PDE6G: variants seen among roughly 807,000 people sequenced by gnomAD.
PDE6G encodes the protein phosphodiesterase 6G.
PDE6G carries 10 observed loss-of-function variants against 10.9 expected under a neutral mutation model. That is an observed-to-expected ratio of 0.91 (90% confidence interval 0.56 to 1.55). The LOEUF (loss-of-function observed/expected upper bound fraction) is 1.55. Ranked by LOEUF, PDE6G falls within the 40% of genes most tolerant of loss-of-function variation. The pLI is 0.00. For missense variants in PDE6G, 102 were observed against 110.1 expected, an observed-to-expected ratio of 0.93 and a Z score of 0.33; for synonymous variants, 41 against 42.8, an observed-to-expected ratio of 0.96 and a Z score of 0.16.
rs988400142 is a variant in PDE6G at position 81,650,810 on chromosome 17, C to T, written c.*264G>A. 7 of 569,186 alleles carry T rather than the reference C, an allele frequency of 1.2e-5. No individual in the cohort carries two copies. The African/African-American group carries it at 1.3e-4, about 11-fold the overall frequency. The allele number at this position is 569,186 out of a possible 1,614,324, so 35.3% of individuals were successfully genotyped here. ...CTGGGAGTGGAGACCGACCAAGCCT[C>T]TCTGTGGGCAGGACTGAGGGGTGGG... On this transcript the variant is annotated 3_prime_UTR_variant, in exon 4 of 4. Transcript: ENST00000331056.
At chr17:81,662,567 G>C (rs1355380609) in intron 1 of PDE6G, among the ~76,000 whole-genome samples, 1 of 151,620 alleles carries the variant, frequency 6.6e-6, no homozygotes, top group Non-Finnish European at 1.5e-5. Flanking sequence ...AGGTTGTGGT[G>C]AGCCGAGATC....
At chr17:81,658,742 G>T (rs2036480290), upstream of PDE6G, among the ~76,000 whole-genome samples, 1 of 151,936 alleles carries the variant, frequency 6.6e-6, no homozygotes, top group Non-Finnish European at 1.5e-5. Context: ...TCAGGAGGCT[G>T]AGGCAGGAGA....
chr17:81,651,290 C>T lies in PDE6G; in HGVS notation c.188-140G>A. On this transcript the variant is annotated intron_variant, in intron 3 of 3. Transcript: ENST00000331056. The surrounding 1 kb of genome is among the most constrained non-coding windows in gnomAD (Gnocchi z 4.8). Reference sequence around the variant, plus strand: ...GACGTGCGGACGCTGGAGTGGGGCCCTCCTCTGGGGACACACTGGCTGTGG... The same window carrying T: ...GACGTGCGGACGCTGGAGTGGGGCCTTCCTCTGGGGACACACTGGCTGTGG... The T allele has an allele frequency of 1.4e-6, 1 of 701,928 alleles. No individual in the cohort carries two copies. The allele number at this position is 701,928 out of a possible 1,614,324, so 43.5% of individuals were successfully genotyped here. A position where few individuals can be genotyped will look rare whatever the true frequency, so the allele number is the denominator to read the frequency against.
intron 1 of PDE6G, among the ~76,000 whole-genome samples, chr17:81,655,926 A>G (rs1598721568): frequency 6.6e-6 from 1 of 152,186 alleles, no homozygotes; most frequent in African/African-American, 2.4e-5. Context: ...GGACCCTGCC[A>G]TGGCACCTTC....
chr17:81,658,437 C>G (rs1348202268), upstream of PDE6G, among the ~76,000 whole-genome samples: 1 of 151,966 alleles, frequency 6.6e-6, no homozygotes, highest in Non-Finnish European at 1.5e-5. Flanking sequence ...GCAGGAGGAT[C>G]CCTTGAGCCT....
chr17:81,656,420 G>C (rs2036447123), intron 1 of PDE6G, 73 bp downstream of exon 1: 1 of 713,562 alleles, frequency 1.4e-6, no homozygotes, highest in African/African-American at 1.7e-5. Flanking sequence ...CCCCTTGGGT[G>C]ATGAGCAGAC....
At chr17:81,654,038 G>A (rs978397133) in intron 1 of PDE6G, among the ~76,000 whole-genome samples, 7 of 151,996 alleles carry the variant, frequency 4.6e-5, no homozygotes, top group Non-Finnish European at 7.4e-5. Context: ...AGGTTGTCTC[G>A]AACTCCTGAC....
At chr17:81,658,011 G>T (rs565938539), upstream of PDE6G, among the ~76,000 whole-genome samples, 1 of 151,594 alleles carries the variant, frequency 6.6e-6, no homozygotes, top group Non-Finnish European at 1.5e-5. Context: ...AGACCAGCCT[G>T]GACAACATAG....
intron 2 of PDE6G, among the ~76,000 whole-genome samples, chr17:81,652,063 G>A (rs375381969): frequency 1.8e-4 from 27 of 152,310 alleles, no homozygotes; most frequent in Admixed American, 2.0e-4. Context: ...AGGTGTGAGC[G>A]TGTTTGTGCA....
At chr17:81,657,866 G>A (rs2036468013), upstream of PDE6G, among the ~76,000 whole-genome samples, 1 of 151,078 alleles carries the variant, frequency 6.6e-6, no homozygotes, top group African/African-American at 2.4e-5. Flanking sequence ...GGGCGACAGA[G>A]CGAGATTCTG....
At chr17:81,655,822 G>A (rs1157731624) in intron 1 of PDE6G, among the ~76,000 whole-genome samples, 2 of 151,976 alleles carry the variant, frequency 1.3e-5, no homozygotes, top group African/African-American at 2.4e-5. Context: ...TGTTTGCCGA[G>A]CTTCAGGCGT....
upstream of PDE6G, chr17:81,656,984 C>CT (rs2144409468): frequency 3.7e-6 from 1 of 270,480 alleles, no homozygotes; most frequent in Non-Finnish European, 7.3e-6. Context: ...CAAGGACCCC[C>CT]CCCCGCCCTT....
chr17:81,660,692 A>G (rs539756888), upstream of PDE6G, among the ~76,000 whole-genome samples: 12 of 152,218 alleles, frequency 7.9e-5, no homozygotes, highest in Non-Finnish European at 1.5e-4. Flanking sequence ...GAGTCTCACT[A>G]TGTTGCCCAG....
At chr17:81,654,730 A>G (rs911237931) in intron 1 of PDE6G, among the ~76,000 whole-genome samples, 1 of 148,596 alleles carries the variant, frequency 6.7e-6, no homozygotes, top group Non-Finnish European at 1.5e-5. Flanking sequence ...ATCCTATTCC[A>G]GAGCTGTGGC....
Position 81,651,450 on chromosome 17 carries a change from G to A in PDE6G, c.187+195C>T, listed in dbSNP as rs187315275. 6.6e-6 allele frequency among the ~76,000 whole-genome samples: 1 copy of A among 152,182 alleles called. No individual in the cohort carries two copies. Among genetic ancestry groups the A allele is most frequent in the African/African-American group, 2.4e-5 (1 of 41,508 alleles). On this transcript the variant is annotated intron_variant, in intron 3 of 3. Coordinates refer to ENST00000331056, the MANE Select transcript of PDE6G (RefSeq NM_002602.4). This position sits in a 1 kb window ranked among gnomAD's most constrained non-coding sequence, Gnocchi z 4.8. ...CTCACCTGGTGCAAGTGTCCCAAAT[G>A]GGGACAGCCCCACCCTCTAGATCCA... is the stretch of plus-strand genomic sequence containing the variant.
At chr17:81,656,846 T>G, upstream of PDE6G, 1 of 552,490 alleles carries the variant, frequency 1.8e-6, no homozygotes. Context: ...TGACCCTGCC[T>G]GATCTCTGAA....
upstream of PDE6G, chr17:81,656,573 C>T (rs777795508): frequency 1.7e-5 from 13 of 759,056 alleles, no homozygotes; most frequent in South Asian, 2.7e-5. Flanking sequence ...GCCTTTATCT[C>T]GCTGCTTCAT....
rs1479264168 is a variant in PDE6G, at chr17:81,653,700, A to G, written c.-59-336T>C. 1.9e-5 allele frequency: 5 copies of G among 268,120 alleles called. No individual in the cohort carries two copies. The highest frequency in any genetic ancestry group is 4.4e-5 in the African/African-American group (2 of 45,830). The allele number at this position is 268,120 out of a possible 1,614,324, so 16.6% of individuals were successfully genotyped here. On this transcript the variant is annotated intron_variant, in intron 1 of 3. Coordinates refer to ENST00000331056, the MANE Select transcript of PDE6G (RefSeq NM_002602.4). This position sits in a 1 kb window ranked among gnomAD's most constrained non-coding sequence, Gnocchi z 5.2. ...GGCAGGTCCTGAGCCTGGAGTCCTCACCACCTCCCTGTGGGTGACCACTGA... is the reference window on the plus strand; with the variant it reads ...GGCAGGTCCTGAGCCTGGAGTCCTCGCCACCTCCCTGTGGGTGACCACTGA...
At chr17:81,657,430 G>A (rs1294284352), upstream of PDE6G, among the ~76,000 whole-genome samples, 1 of 152,242 alleles carries the variant, frequency 6.6e-6, no homozygotes, top group Non-Finnish European at 1.5e-5. Flanking sequence ...TTTAGACAAA[G>A]ATTCGCTTCT....
Sources: allele counts gnomAD v4.1 joint callset (sites outside exome capture counted in the v4.1 genomes callset), GRCh38; gene constraint gnomAD v4.1.1; non-coding constraint Gnocchi (gnomAD v3.1); transcripts MANE v1.5; gene names NCBI Gene and HGNC (gene_info 2026-07-23, HGNC 2026-07-21).